The following ZZZ3 variants were observed in gnomAD, a reference collection of about 807,000 sequenced individuals.
The protein encoded by ZZZ3 is ZZ-type zinc finger-containing protein 3.
A neutral mutation model predicts 95.2 loss-of-function variants in ZZZ3; 22 were observed. The observed-to-expected ratio is 0.23, with a 90% CI of 0.17 to 0.33. The LOEUF is 0.33. Ranked by LOEUF, ZZZ3 falls within the 10% of genes least tolerant of loss-of-function variation. The pLI, the probability that ZZZ3 is intolerant of heterozygous loss-of-function variation, is 1.00. For synonymous variants in ZZZ3, 335 were observed against 358.9 expected (o/e 0.93, Z 0.75); for missense variants, 885 against 1,066.5 (o/e 0.83, Z 2.37).
chr1:77,675,478 A>G (rs1391575189), intron 1 of ZZZ3, among the ~76,000 whole-genome samples: 1 of 152,200 alleles, frequency 6.6e-6, no homozygotes, highest in Admixed American at 6.6e-5. Context: ...TAGGAAAAAA[A>G]GGTGTTAAGT....
intron 1 of ZZZ3, among the ~76,000 whole-genome samples, chr1:77,643,418 A>T (rs1037378159): frequency 2.6e-5 from 4 of 152,238 alleles, no homozygotes; most frequent in Admixed American, 2.0e-4. Context: ...TGAATTATTT[A>T]ACTACAGTTA....
At chr1:77,585,395 T>C (rs894201525) in intron 5 of ZZZ3, among the ~76,000 whole-genome samples, 1 of 152,228 alleles carries the variant, frequency 6.6e-6, no homozygotes, top group East Asian at 1.9e-4. Flanking sequence ...TCTATTCTAA[T>C]ATTCTCCCTC....
At chr1:77,635,019 C>A (rs909092912) in intron 4 of ZZZ3, among the ~76,000 whole-genome samples, 1 of 152,134 alleles carries the variant, frequency 6.6e-6, no homozygotes, top group Admixed American at 6.5e-5. Context: ...TCATGTAAAC[C>A]TCCAAATGCC....
intron 1 of ZZZ3, among the ~76,000 whole-genome samples, chr1:77,681,386 C>T (rs950489345): frequency 6.6e-6 from 1 of 152,136 alleles, no homozygotes; most frequent in Non-Finnish European, 1.5e-5. Flanking sequence ...TTGTAATTAA[C>T]TCCCCACTCC....
chr1:77,581,127 T>C (rs1662477215), intron 8 of ZZZ3, 58 bp from the exon 9 acceptor site: 2 of 1,311,896 alleles, frequency 1.5e-6, no homozygotes, highest in Admixed American at 1.9e-5. Flanking sequence ...TCCTTTGATA[T>C]AGCCAAATAA....
intron 12 of ZZZ3, 61 bp downstream of exon 12, chr1:77,576,007 T>G: frequency 2.3e-6 from 3 of 1,304,108 alleles, no homozygotes; most frequent in Non-Finnish European, 3.1e-6. Context: ...TGGAAATAAT[T>G]AGAAAATCCT....
At chr1:77,640,287 T>C (rs779238541) in intron 3 of ZZZ3, among the ~76,000 whole-genome samples, 1 of 152,218 alleles carries the variant, frequency 6.6e-6, no homozygotes, top group East Asian at 1.9e-4. Flanking sequence ...TATATAATAA[T>C]TTATTATGAT....
chr1:77,655,086 A>T (rs1380923118), intron 1 of ZZZ3, among the ~76,000 whole-genome samples: 1 of 152,192 alleles, frequency 6.6e-6, no homozygotes, highest in Non-Finnish European at 1.5e-5. Flanking sequence ...GAGAAGGCTG[A>T]GCGTGCTAAT....
chr1:77,682,244 TAACCGGTCTGGAATACTTTAGA>T (rs1672841661), intron 1 of ZZZ3, among the ~76,000 whole-genome samples: 1 of 152,154 alleles, frequency 6.6e-6, no homozygotes, highest in African/African-American at 2.4e-5. Context: ...ACACAATAGT[TAACCGGTCTGGAATACTTTAGA>T]AAATGGCAAG....
In ZZZ3 at chr1:77,581,903, G is replaced by T; in HGVS notation, c.1793-12C>A. On this transcript the variant is annotated splice_polypyrimidine_tract_variant and intron_variant, in intron 7 of 14. Transcript: ENST00000370801. ...AGCAGGTAAACCTACTGAAAAATAA[G>T]ACCACATACAGAACTGTTAAAGCAA... 6.2e-7 allele frequency: 1 copy of T among 1,609,908 alleles called. No individual in the cohort carries two copies. The highest frequency in any genetic ancestry group is 1.1e-5 in the South Asian group (1 of 90,768).
At chr1:77,643,270 AC>A (rs2100914945) in intron 1 of ZZZ3, among the ~76,000 whole-genome samples, 1 of 152,200 alleles carries the variant, frequency 6.6e-6, no homozygotes, top group East Asian at 1.9e-4. Flanking sequence ...ACTAGCCAAA[AC>A]TCTTGTAGCC....
At chr1:77,626,034 T>C (rs1339824453) in intron 5 of ZZZ3, among the ~76,000 whole-genome samples, 8 of 151,906 alleles carry the variant, frequency 5.3e-5, no homozygotes, top group Non-Finnish European at 1.2e-4. Context: ...TAAATTATAC[T>C]TGGGTACAAA....
At chr1:77,642,765 T>G (rs773261640) in intron 1 of ZZZ3, among the ~76,000 whole-genome samples, 8 of 152,042 alleles carry the variant, frequency 5.3e-5, no homozygotes, top group Non-Finnish European at 7.4e-5. Flanking sequence ...AACAAAATTT[T>G]TTTTAATGAA....
In ZZZ3 at chr1:77,632,846, T is replaced by C. The variant is rs750525244; in HGVS notation, c.509A>G (p.Asp170Gly). ...TTTAATTTCCCTTTTCTCACAATCA[T>C]CCAGTATAAGACATCGACAAGCTCG... ...TKRACRCLIL[D>G]DCEKREIKKV... Residue 170 changes from aspartate (D) to glycine (G), a missense_variant, in exon 5 of 15, where the codon GAT (aspartate) becomes GGT (glycine). Transcript: ENST00000370801. 1.1e-5 allele frequency: 18 copies of C among 1,614,060 alleles called. No homozygotes were observed. Among genetic ancestry groups the C allele is most frequent in the African/African-American group, 6.7e-5 (5 of 74,926 alleles).
intron 1 of ZZZ3, among the ~76,000 whole-genome samples, chr1:77,658,120 G>A (rs1467839645): frequency 3.3e-5 from 5 of 150,616 alleles, no homozygotes; most frequent in East Asian, 2.0e-4. Flanking sequence ...CAGAGGTTGC[G>A]GCGAGCTGAG....
rs896450782 is a variant in ZZZ3, at chr1:77,576,184, G to A, written c.2215C>T (p.His739Tyr). Residue 739 changes from histidine (H) to tyrosine (Y), a missense_variant, in exon 12 of 15, where the codon CAT (histidine) becomes TAT (tyrosine). Transcript: ENST00000370801. ...TSRRQHPLNK[H>Y]LFKPSTFMTS... ...ATGAAAGTGGAAGGCTTAAAGAGAT[G>A]CTTATTAAGAGGGTGCTGTCGTCTG... The A allele has an allele frequency of 6.2e-7, 1 of 1,611,428 alleles. No homozygotes were observed. The highest frequency in any genetic ancestry group is 8.5e-7 in the Non-Finnish European group (1 of 1,179,206).
intron 5 of ZZZ3, among the ~76,000 whole-genome samples, chr1:77,630,901 A>C (rs1334395934): frequency 6.6e-6 from 1 of 152,236 alleles, no homozygotes; most frequent in Non-Finnish European, 1.5e-5. Flanking sequence ...CCTCAAATCA[A>C]AGTATTTATG....
intron 1 of ZZZ3, among the ~76,000 whole-genome samples, chr1:77,661,038 C>G (rs1414082695): frequency 6.8e-6 from 1 of 146,932 alleles, no homozygotes; most frequent in African/African-American, 2.5e-5. Context: ...TTAAATTGAG[C>G]TTTAATTGCT....
chr1:77,631,896 C>T lies in ZZZ3; in HGVS notation c.1459G>A (p.Val487Ile), dbSNP rs1359935794. The change falls in exon 5 of 15, where the codon GTT (valine) becomes ATT (isoleucine). Residue 487 changes from valine to isoleucine, a missense_variant. Physicochemically the swap from Val to Ile is conservative, Grantham distance 29 (BLOSUM62 3). Coordinates refer to ENST00000370801, the MANE Select transcript of ZZZ3 (RefSeq NM_015534.6). ...ITEEEDDDPDVYYFESDHVAL... is the reference protein window; with the variant it reads ...ITEEEDDDPDIYYFESDHVAL... ...ACATGATCTGATTCAAAGTAATAAA[C>T]ATCAGGATCATCATCTTCCTCTTCT... 6.2e-7 allele frequency: 1 copy of T among 1,611,898 alleles called. No homozygotes were observed. The highest frequency in any genetic ancestry group is 1.3e-5 in the African/African-American group (1 of 74,876).
Sources: allele counts gnomAD v4.1 joint callset (sites outside exome capture counted in the v4.1 genomes callset), GRCh38; gene constraint gnomAD v4.1.1; transcripts MANE v1.5; gene names NCBI Gene and HGNC (gene_info 2026-07-23, HGNC 2026-07-21).